Variants in MTUS2 observed in about 807,000 individuals in gnomAD.
MTUS2 encodes the protein microtubule-associated tumor suppressor candidate 2.
Under a neutral mutation model 114.1 loss-of-function variants are expected in MTUS2, and 40 were observed. That is an observed-to-expected ratio of 0.35 (90% CI 0.27 to 0.46). MTUS2 has a LOEUF of 0.46. MTUS2 is among the 20% of genes least tolerant of loss of function. MTUS2 has a pLI of 1.00. For missense variants in MTUS2, 1,679 were observed against 1,705.4 expected (o/e 0.98, Z 0.27); for synonymous variants, 688 against 672.0 (o/e 1.02, Z -0.37).
At chr13:29,133,831 C>A (rs568248903) in intron 5 of MTUS2, among the ~76,000 whole-genome samples, 1 of 152,138 alleles carries the variant, frequency 6.6e-6, no homozygotes, top group Non-Finnish European at 1.5e-5. Flanking sequence ...TACAAAGAAA[C>A]AGCTTTTGGT....
intron 2 of MTUS2, among the ~76,000 whole-genome samples, chr13:28,906,244 C>T (rs992538796): frequency 1.3e-5 from 2 of 151,270 alleles, no homozygotes; most frequent in African/African-American, 4.9e-5. Flanking sequence ...TTTTTTATGT[C>T]TCTATTTCCT....
At chr13:29,337,524 A>G (rs1901130854) in intron 7 of MTUS2, among the ~76,000 whole-genome samples, 1 of 152,162 alleles carries the variant, frequency 6.6e-6, no homozygotes, top group Non-Finnish European at 1.5e-5. Flanking sequence ...CTCAGTTGGA[A>G]ATACAAAAAT....
rs552426150 is a variant in MTUS2, at chr13:29,183,359, G to A, written c.2644+82389G>A. Among the ~76,000 whole-genome samples the A allele has an allele frequency of 4.6e-5, 7 of 152,232 alleles. No homozygotes were observed. In the East Asian group the frequency reaches 1.4e-3, roughly 29 times the overall value. ...GTCATCAATGGAGATGAGGAAAACA[G>A]CAGGGGGAACAGGTTAGGAGATTCA... On this transcript the variant is annotated intron_variant, in intron 5 of 15. Coordinates refer to ENST00000612955, the MANE Select transcript of MTUS2 (RefSeq NM_001033602.4).
chr13:28,946,840 C>T (rs1340139288), intron 2 of MTUS2, among the ~76,000 whole-genome samples: 1 of 152,142 alleles, frequency 6.6e-6, no homozygotes, highest in African/African-American at 2.4e-5. Flanking sequence ...GGAGCCACCA[C>T]ACCTGACCAG....
At chr13:29,502,725 C>T (rs1438727112) in intron 15 of MTUS2, among the ~76,000 whole-genome samples, 4 of 152,264 alleles carry the variant, frequency 2.6e-5, no homozygotes. Flanking sequence ...GGCCTTTGCT[C>T]TGTCCAGTGG....
chr13:29,238,029 A>G (rs987355189), intron 5 of MTUS2, among the ~76,000 whole-genome samples: 2 of 152,182 alleles, frequency 1.3e-5, no homozygotes, highest in Non-Finnish European at 2.9e-5. Flanking sequence ...AAAAAATTAG[A>G]ATTACCATAT....
chr13:29,388,102 C>G (rs548481650), intron 8 of MTUS2, among the ~76,000 whole-genome samples: 1 of 152,196 alleles, frequency 6.6e-6, no homozygotes, highest in African/African-American at 2.4e-5. Flanking sequence ...GGACTGTCCC[C>G]CAACTCCAGT....
In MTUS2 at chr13:28,994,051, C is replaced by G. The variant is rs961823707; in HGVS notation, c.-242-30406C>G. Reference sequence around the variant, plus strand: ...GTATCTCCTAATGCTATCCCTCCCCCCTCCTGCCACCCACAACAGTCGCCG... The same window carrying G: ...GTATCTCCTAATGCTATCCCTCCCCGCTCCTGCCACCCACAACAGTCGCCG... On this transcript the variant is annotated intron_variant, in intron 2 of 15. Coordinates refer to ENST00000612955, the MANE Select transcript of MTUS2 (RefSeq NM_001033602.4). 1.2e-4 allele frequency among the ~76,000 whole-genome samples: 18 copies of G among 152,248 alleles called. No homozygotes were observed. In the East Asian group the frequency reaches 1.5e-3, roughly 13 times the overall value.
chr13:29,462,040 C>A (rs558624020), intron 9 of MTUS2, among the ~76,000 whole-genome samples: 1 of 152,174 alleles, frequency 6.6e-6, no homozygotes, highest in African/African-American at 2.4e-5. Context: ...TACAAAGGCC[C>A]TGAGGCTCTT....
At chr13:28,838,467 C>T (rs1593235493) in intron 1 of MTUS2, among the ~76,000 whole-genome samples, 1 of 152,150 alleles carries the variant, frequency 6.6e-6, no homozygotes, top group East Asian at 1.9e-4. Flanking sequence ...AGTAAATGTT[C>T]CCTTCATTGC....
At chr13:28,995,246 T>G (rs1476221453) in intron 2 of MTUS2, among the ~76,000 whole-genome samples, 1 of 152,234 alleles carries the variant, frequency 6.6e-6, no homozygotes, top group Middle Eastern at 3.2e-3. Context: ...CTGTGTTCTG[T>G]TCCATTGATC....
intron 5 of MTUS2, among the ~76,000 whole-genome samples, chr13:29,171,090 A>G (rs1027480292): frequency 6.6e-6 from 1 of 152,068 alleles, no homozygotes; most frequent in African/African-American, 2.4e-5. Flanking sequence ...TAACCTGGAA[A>G]CACAGGATCT....
intron 4 of MTUS2, among the ~76,000 whole-genome samples, chr13:29,076,869 T>A (rs2138712163): frequency 6.6e-6 from 1 of 152,308 alleles, no homozygotes; most frequent in African/African-American, 2.4e-5. Flanking sequence ...GGTGGAAAGG[T>A]GCTTTTGCAA....
chr13:29,158,358 CTTTTTTTTTTTT>C lies in MTUS2; in HGVS notation c.2644+57400_2644+57411del, dbSNP rs372666382. Among the ~76,000 whole-genome samples, 20 of 32,056 alleles carry C rather than the reference CTTTTTTTTTTTT, an allele frequency of 6.2e-4. 2 individuals are homozygous for C. The highest frequency in any genetic ancestry group is 3.9e-3 in the African/African-American group (19 of 4,864). 21.0% of individuals were successfully genotyped at this position (32,056 alleles called of 152,430 possible). On this transcript the variant is annotated intron_variant, in intron 5 of 15. Transcript: ENST00000612955. ...CACCCCCCAACCCCCGTCCACCCCG[CTTTTTTTTTTTT>C]TTTTTTTTTTTGCTAATTAGCAGGA...
At chr13:29,320,433 C>T (rs974664949) in intron 6 of MTUS2, among the ~76,000 whole-genome samples, 7 of 152,182 alleles carry the variant, frequency 4.6e-5, no homozygotes, top group Non-Finnish European at 1.5e-5. Context: ...TAATTTGTTA[C>T]AGTGGTAATG....
intron 2 of MTUS2, among the ~76,000 whole-genome samples, chr13:28,999,482 C>A (rs1428114868): frequency 2.0e-5 from 3 of 152,118 alleles, no homozygotes; most frequent in African/African-American, 7.2e-5. Context: ...TTATTTAATT[C>A]TTGAAAGTTT....
chr13:29,013,919 A>G (rs1885958169), intron 2 of MTUS2, among the ~76,000 whole-genome samples: 1 of 152,186 alleles, frequency 6.6e-6, no homozygotes. Flanking sequence ...GGCATATTTT[A>G]TTATATCCTG....
At chr13:29,076,608 C>A (rs1170327434) in intron 4 of MTUS2, among the ~76,000 whole-genome samples, 1 of 152,204 alleles carries the variant, frequency 6.6e-6, no homozygotes, top group Non-Finnish European at 1.5e-5. Context: ...CTCAGTTCCT[C>A]CCCATGTGAA....
intron 4 of MTUS2, among the ~76,000 whole-genome samples, chr13:29,076,388 G>A (rs2475522): frequency 0.98 from 149,006 of 152,348 alleles, 72,918 homozygotes; most frequent in Non-Finnish European, 1. Flanking sequence ...GCTGAAAACT[G>A]CAACAATTAT....
Sources: gnomAD v4.1 joint callset for allele counts (sites outside exome capture counted in the v4.1 genomes callset) on GRCh38, gnomAD v4.1.1 for gene constraint, MANE v1.5 for transcripts, NCBI Gene and HGNC (gene_info 2026-07-23, HGNC 2026-07-21) for gene names.